ATRX: variants seen among roughly 807,000 people sequenced by gnomAD.
ATRX encodes the protein ATRX chromatin remodeler, also known as chromatin remodeler ATRX.
A neutral mutation model predicts 172.6 loss-of-function variants in ATRX; 12 were observed. The ratio of observed to expected loss-of-function variants is 0.07; its 90% CI spans 0.04 to 0.11. The LOEUF is 0.11. Ranked by LOEUF, ATRX falls within the 10% of genes least tolerant of loss-of-function variation. ATRX has a pLI of 1.00. For missense variants in ATRX, 1,368 were observed against 1,767.4 expected (o/e 0.77, Z 4.05); for synonymous variants, 674 against 594.7 (o/e 1.13, Z -1.94).
chrX:77,780,485 C>T (rs1013382290), intron 1 of ATRX, among the ~76,000 whole-genome samples: 1 of 109,309 alleles, frequency 9.1e-6, no homozygotes, highest in African/African-American at 3.3e-5. Context: ...ACCACCACAC[C>T]GAGATGATTT....
chrX:77,522,122 C>G, intron 32 of ATRX, 141 bp downstream of exon 32: 3 of 885,633 alleles, frequency 3.4e-6, no homozygotes, highest in Non-Finnish European at 4.9e-6. Context: ...AAACGGTCAA[C>G]AAATAAAACA....
At chrX:77,534,671 A>G (rs1364252486) in intron 30 of ATRX, among the ~76,000 whole-genome samples, 1 of 111,714 alleles carries the variant, frequency 9.0e-6, no homozygotes, top group Admixed American at 9.6e-5. Flanking sequence ...AAGCTTATAC[A>G]CAGGGAAAAG....
chrX:77,757,821 G>A (rs1427276025), intron 1 of ATRX, among the ~76,000 whole-genome samples: 1 of 108,903 alleles, frequency 9.2e-6, no homozygotes, highest in Non-Finnish European at 1.9e-5. Context: ...ACAGGCCCCT[G>A]CCACCACGCT....
rs782249716 is a variant in ATRX at position 77,519,609 on chromosome X, C to T, written c.7200+1179G>A. Among the ~76,000 whole-genome samples, 7 of 111,426 alleles carry T rather than the reference C, an allele frequency of 6.3e-5. No homozygotes were observed. In the South Asian group the frequency reaches 2.7e-3, roughly 43 times the overall value. On this transcript the variant is annotated intron_variant, in intron 34 of 34. Transcript: ENST00000373344. Reference sequence around the variant, plus strand: ...CCAAACAAAAAAGATAATGAAATATCATCTTACCCCAGTTAAAATGGCCTT... The same window carrying T: ...CCAAACAAAAAAGATAATGAAATATTATCTTACCCCAGTTAAAATGGCCTT...
intron 28 of ATRX, among the ~76,000 whole-genome samples, chrX:77,564,589 T>C (rs1364988569): frequency 1.8e-5 from 2 of 110,470 alleles, no homozygotes; most frequent in Admixed American, 9.6e-5. Flanking sequence ...TCTCACTATG[T>C]TGCCCAGACT....
chrX:77,589,747 TTTTG>T, intron 27 of ATRX, 83 bp downstream of exon 27: 8 of 864,653 alleles, frequency 9.3e-6, no homozygotes, highest in Non-Finnish European at 9.9e-6. Flanking sequence ...GACTGGGTAG[TTTTG>T]TTTCTTTTGT....
intron 1 of ATRX, among the ~76,000 whole-genome samples, chrX:77,735,716 G>A (rs1317269382): frequency 1.8e-4 from 15 of 85,395 alleles, no homozygotes; most frequent in Admixed American, 9.4e-4. Flanking sequence ...GCTGGAGAAT[G>A]GCGTGAACCC....
chrX:77,740,616 T>C (rs1390243151), intron 1 of ATRX, among the ~76,000 whole-genome samples: 2 of 110,042 alleles, frequency 1.8e-5, no homozygotes, highest in African/African-American at 6.6e-5. Flanking sequence ...GAAACACTTC[T>C]GAGAGTCACA....
rs142243224 is a variant in ATRX, at chrX:77,560,799, C to G, written c.6327-1953G>C. Among the ~76,000 whole-genome samples, 905 of 111,292 alleles carry G rather than the reference C, an allele frequency of 8.1e-3. 13 individuals are homozygous for G. The highest frequency in any genetic ancestry group is 0.028 in the African/African-American group (868 of 30,714). Reference sequence around the variant, plus strand: ...GTTTTATGTCAATTTGGAGCTACCACACATCTATGAATACAGACTATAGAA... The same window carrying G: ...GTTTTATGTCAATTTGGAGCTACCAGACATCTATGAATACAGACTATAGAA... On this transcript the variant is annotated intron_variant, in intron 28 of 34. Transcript: ENST00000373344.
intron 19 of ATRX, among the ~76,000 whole-genome samples, chrX:77,630,822 C>G (rs2068073022): frequency 9.0e-6 from 1 of 110,750 alleles, no homozygotes; most frequent in African/African-American, 3.3e-5. Flanking sequence ...TTCGATTAAG[C>G]AATGAATACT....
intron 25 of ATRX, chrX:77,594,281 C>T (rs1302146251): frequency 8.8e-6 from 1 of 113,248 alleles, no homozygotes; most frequent in African/African-American, 3.3e-5. Flanking sequence ...GGCTCAGTTA[C>T]CACGAGAGAA....
intron 5 of ATRX, among the ~76,000 whole-genome samples, chrX:77,696,060 T>C (rs2072172492): frequency 8.9e-6 from 1 of 111,865 alleles, no homozygotes; most frequent in Non-Finnish European, 1.9e-5. Context: ...CTTCAACAGT[T>C]GAGAGGTATG....
At position 77,521,367 on chromosome X, in the gene ATRX, T is replaced by C. The variant is rs782321282; in HGVS notation, c.7071+36A>G. On this transcript the variant is annotated intron_variant, in intron 33 of 34. Transcript: ENST00000373344. ...GCAGTAGGGGGTGGAGGGTACAAAT[T>C]GGAGGTTGGAATAAGACAATTGCCA... is the stretch of plus-strand genomic sequence containing the variant. 5 of 1,091,678 alleles carry C rather than the reference T, an allele frequency of 4.6e-6. No homozygotes were observed. In the South Asian group the frequency reaches 9.2e-5, roughly 20 times the overall value. The allele number at this position is 1,091,678 out of a possible 1,213,427, so 90.0% of individuals were successfully genotyped here.
intron 14 of ATRX, among the ~76,000 whole-genome samples, chrX:77,653,017 A>G (rs957450903): frequency 8.3e-5 from 9 of 108,513 alleles, no homozygotes; most frequent in African/African-American, 2.3e-4. Flanking sequence ...AAAAAAAAAA[A>G]AAAAGAAAAA....
intron 1 of ATRX, among the ~76,000 whole-genome samples, chrX:77,730,879 G>T (rs781814413): frequency 9.1e-6 from 1 of 110,244 alleles, no homozygotes; most frequent in South Asian, 3.8e-4. Context: ...CATGAAAAAA[G>T]AAGAAATACT....
Position 77,682,971 on chromosome X carries a change from T to C in ATRX, c.2285A>G (p.Lys762Arg), listed in dbSNP as rs2148601970. 1 of 1,210,927 alleles carries C rather than the reference T, an allele frequency of 8.3e-7. No individual in the cohort carries two copies. Among genetic ancestry groups the C allele is most frequent in the Non-Finnish European group, 1.1e-6 (1 of 894,948 alleles). ...TDINEIHTNHKTLYDLKTQAG... is the reference protein window; with the variant it reads ...TDINEIHTNHRTLYDLKTQAG... Reference sequence around the variant, plus strand: ...CTGAGTCTTTAAATCATACAAAGTCTTATGGTTTGTATGAATTTCATTAAT... The same window carrying C: ...CTGAGTCTTTAAATCATACAAAGTCCTATGGTTTGTATGAATTTCATTAAT... Residue 762 changes from lysine to arginine, a missense_variant, in exon 9 of 35, where the codon AAG (lysine) becomes AGG (arginine). Transcript: ENST00000373344.
intron 22 of ATRX, among the ~76,000 whole-genome samples, chrX:77,613,582 C>G (rs908018152): frequency 4.1e-4 from 46 of 112,019 alleles, no homozygotes; most frequent in African/African-American, 1.4e-3. Context: ...GAATGTGAAA[C>G]CTATGTTTGA....
At chrX:77,703,191 A>G (rs1027007059) in intron 2 of ATRX, among the ~76,000 whole-genome samples, 1 of 112,990 alleles carries the variant, frequency 8.9e-6, no homozygotes, top group Non-Finnish European at 1.9e-5. Context: ...GGCCAGAAAC[A>G]TCTGCGGCTG....
At chrX:77,713,575 C>T (rs1212230641) in intron 2 of ATRX, among the ~76,000 whole-genome samples, 3 of 110,915 alleles carry the variant, frequency 2.7e-5, no homozygotes, top group African/African-American at 6.6e-5. Context: ...TCCTACTAGC[C>T]AAAACTGATA....
Sources: gnomAD v4.1 joint callset for allele counts (sites outside exome capture counted in the v4.1 genomes callset) on GRCh38, gnomAD v4.1.1 for gene constraint, MANE v1.5 for transcripts, NCBI Gene and HGNC (gene_info 2026-07-23, HGNC 2026-07-21) for gene names.